The following LPCAT1 variants were observed in gnomAD, a reference collection of about 807,000 sequenced individuals.
LPCAT1 encodes 1-acylglycerol-3-phosphate O-acyltransferase.
A neutral mutation model predicts 60.9 loss-of-function variants in LPCAT1; 23 were observed. The ratio of observed to expected loss-of-function variants is 0.38; its 90% CI spans 0.27 to 0.53. The LOEUF (loss-of-function observed/expected upper bound fraction) is 0.53, where lower values mean the gene tolerates loss of function less well. Ranked by LOEUF, LPCAT1 falls within the 20% of genes least tolerant of loss-of-function variation. The pLI is 0.82. For synonymous variants in LPCAT1, 340 were observed against 301.1 expected (o/e 1.13, Z -1.34); for missense variants, 622 against 723.6 (o/e 0.86, Z 1.61).
chr5:1,482,386 A>T (rs1368069308), intron 6 of LPCAT1, among the ~76,000 whole-genome samples: 2 of 94,662 alleles, frequency 2.1e-5, no homozygotes, highest in East Asian at 6.2e-4. Context: ...GTGGAAACTG[A>T]GGCAGGACAT....
intron 12 of LPCAT1, among the ~76,000 whole-genome samples, chr5:1,470,616 A>T (rs939467879): frequency 7.9e-5 from 12 of 152,216 alleles, no homozygotes; most frequent in African/African-American, 2.9e-4. Context: ...CTTTCTGATG[A>T]GTGTGGATTG....
chr5:1,484,140 CCT>C (rs756995897), intron 5 of LPCAT1, among the ~76,000 whole-genome samples: 1 of 152,226 alleles, frequency 6.6e-6, no homozygotes, highest in Non-Finnish European at 1.5e-5. Context: ...CCGGGATCTG[CCT>C]CTCTCTCTGA....
intron 3 of LPCAT1, 62 bp downstream of exon 3, chr5:1,494,638 G>T: frequency 6.8e-7 from 1 of 1,463,360 alleles, no homozygotes; most frequent in South Asian, 1.1e-5. Context: ...CTCAGCAGCA[G>T]GGGGATCTCT....
At chr5:1,508,265 C>A (rs1382950941) in intron 1 of LPCAT1, among the ~76,000 whole-genome samples, 1 of 152,208 alleles carries the variant, frequency 6.6e-6, no homozygotes, top group Non-Finnish European at 1.5e-5. Context: ...AGGTCCCAGG[C>A]CCACTGTATT....
intron 1 of LPCAT1, among the ~76,000 whole-genome samples, chr5:1,517,031 A>G (rs1736525090): frequency 6.6e-6 from 1 of 152,254 alleles, no homozygotes; most frequent in African/African-American, 2.4e-5. Context: ...AGGGACAAAC[A>G]GTGATCACAT....
intron 1 of LPCAT1, among the ~76,000 whole-genome samples, chr5:1,517,247 T>C (rs958398333): frequency 2.0e-5 from 3 of 151,930 alleles, no homozygotes; most frequent in Non-Finnish European, 4.4e-5. Flanking sequence ...CTGAGAACCA[T>C]AGCACTTTTG....
intron 13 of LPCAT1, among the ~76,000 whole-genome samples, chr5:1,465,002 AAC>A (rs1560944296): frequency 6.7e-6 from 1 of 148,560 alleles, no homozygotes; most frequent in Non-Finnish European, 1.5e-5. Context: ...GGCACACAAT[AAC>A]ATGCACACAC....
intron 3 of LPCAT1, 104 bp downstream of exon 3, chr5:1,494,596 C>A: frequency 1.8e-6 from 2 of 1,091,604 alleles, no homozygotes; most frequent in Admixed American, 4.0e-5. Flanking sequence ...GAGGGGGGAC[C>A]CTCACTCCCA....
intron 12 of LPCAT1, among the ~76,000 whole-genome samples, chr5:1,467,791 C>G (rs1398937639): frequency 2.0e-5 from 3 of 152,158 alleles, no homozygotes; most frequent in Admixed American, 6.5e-5. Flanking sequence ...TCCGCTCCAA[C>G]CCCTGGGCTC....
At chr5:1,494,040 G>A (rs997911564) in intron 3 of LPCAT1, among the ~76,000 whole-genome samples, 7 of 152,240 alleles carry the variant, frequency 4.6e-5, no homozygotes, top group Non-Finnish European at 8.8e-5. Context: ...GCCCAGAGAC[G>A]CCTTGATTTT....
intron 3 of LPCAT1, among the ~76,000 whole-genome samples, chr5:1,490,232 C>T (rs1287317251): frequency 2.0e-5 from 3 of 152,316 alleles, no homozygotes; most frequent in East Asian, 1.9e-4. Context: ...GATTGGACCC[C>T]GCCTTCCCCC....
At position 1,466,736 on chromosome 5, in the gene LPCAT1, C is replaced by A; in HGVS notation, c.1420+13G>T. The stretch of plus-strand genomic sequence containing the variant: ...CAAGGGTCGCGAGGACGACCCCACT[C>A]CTGCGGGCTCACCGAATGTGATCTT... On this transcript the variant is annotated intron_variant, in intron 13 of 13. Coordinates refer to ENST00000283415, the MANE Select transcript of LPCAT1 (RefSeq NM_024830.5). 1 of 1,607,562 alleles carries A rather than the reference C, an allele frequency of 6.2e-7. No homozygotes were observed. Among genetic ancestry groups the A allele is most frequent in the Non-Finnish European group, 8.5e-7 (1 of 1,175,928 alleles).
At chr5:1,498,531 GCA>G (rs994434411) in intron 2 of LPCAT1, among the ~76,000 whole-genome samples, 3 of 150,830 alleles carry the variant, frequency 2.0e-5, no homozygotes, top group Non-Finnish European at 4.4e-5. Context: ...ATACTCACAT[GCA>G]CACACACACT....
At chr5:1,471,228 GA>G (rs1734656120) in intron 11 of LPCAT1, among the ~76,000 whole-genome samples, 1 of 152,188 alleles carries the variant, frequency 6.6e-6, no homozygotes, top group Admixed American at 6.5e-5. Context: ...CTGCATTTGA[GA>G]ATACCCCCTA....
Position 1,483,633 on chromosome 5 carries a change from C to G in LPCAT1, c.668-147G>C. On this transcript the variant is annotated intron_variant, in intron 5 of 13. Transcript: ENST00000283415. This position sits in a 1 kb window ranked among gnomAD's most constrained non-coding sequence, Gnocchi z 9.2. ...AGGGCACTCCATGCCTGGACTATCT[C>G]AACATCTGTCCTGACCGTAAACACC... 1 of 739,978 alleles carries G rather than the reference C, an allele frequency of 1.4e-6. No individual in the cohort carries two copies. Among genetic ancestry groups the G allele is most frequent in the East Asian group, 2.6e-5 (1 of 38,616 alleles). The allele number at this position is 739,978 out of a possible 1,614,324, so 45.8% of individuals were successfully genotyped here.
chr5:1,465,501 G>A (rs1228163801), intron 13 of LPCAT1, among the ~76,000 whole-genome samples: 2 of 136,938 alleles, frequency 1.5e-5, no homozygotes, highest in African/African-American at 5.5e-5. Flanking sequence ...TGCGCACACA[G>A]TAAACACGTG....
chr5:1,517,886 G>T (rs1736552237), intron 1 of LPCAT1, among the ~76,000 whole-genome samples: 1 of 152,232 alleles, frequency 6.6e-6, no homozygotes, highest in African/African-American at 2.4e-5. Context: ...GGGACGAGGG[G>T]ACAAGGGGAC....
chr5:1,465,476 CACA>C (rs1369843537), intron 13 of LPCAT1, among the ~76,000 whole-genome samples: 1 of 149,690 alleles, frequency 6.7e-6, no homozygotes, highest in East Asian at 2.0e-4. Flanking sequence ...TGCATGCACA[CACA>C]AAACAAGCGC....
At position 1,502,097 on chromosome 5, in the gene LPCAT1, C is replaced by T. The variant is rs1275359181; in HGVS notation, c.136-494G>A. Among the ~76,000 whole-genome samples, 1 of 152,230 alleles carries T rather than the reference C, an allele frequency of 6.6e-6. No individual in the cohort carries two copies. Among genetic ancestry groups the T allele is most frequent in the African/African-American group, 2.4e-5 (1 of 41,456 alleles). ...ACACTGGCCAGTGCTAACTGACATG[C>T]TCCACACCCACTGCCCGCTTCCTGC... On this transcript the variant is annotated intron_variant, in intron 1 of 13. Coordinates refer to ENST00000283415, the MANE Select transcript of LPCAT1 (RefSeq NM_024830.5). This position sits in a 1 kb window ranked among gnomAD's most constrained non-coding sequence, Gnocchi z 5.5.
Sources: allele counts gnomAD v4.1 joint callset (sites outside exome capture counted in the v4.1 genomes callset), GRCh38; gene constraint gnomAD v4.1.1; non-coding constraint Gnocchi (gnomAD v3.1); transcripts MANE v1.5; gene names NCBI Gene and HGNC (gene_info 2026-07-23, HGNC 2026-07-21).